The following ASIC2 variants were observed in gnomAD, a reference collection of about 807,000 sequenced individuals.
ASIC2 encodes acid sensing ion channel subunit 2, also known as acid-sensing ion channel 2.
ASIC2 carries 25 observed loss-of-function variants against 57.3 expected under a neutral mutation model. The ratio of observed to expected loss-of-function variants is 0.44; its 90% CI spans 0.32 to 0.61. The LOEUF is 0.61. Ranked by LOEUF, ASIC2 falls within the 20% of genes least tolerant of loss-of-function variation. The pLI is 0.06. For missense variants in ASIC2, 641 were observed against 738.1 expected, an observed-to-expected ratio of 0.87 and a Z score of 1.52; for synonymous variants, 319 against 307.5, an observed-to-expected ratio of 1.04 and a Z score of -0.39.
At position 33,292,002 on chromosome 17, in the gene ASIC2, G is replaced by T. The variant is rs1408549415; in HGVS notation, c.114C>A (p.Pro38=). Residue 38 remains proline, a synonymous_variant, in exon 1 of 10, where the codon CCC becomes CCA. Coordinates refer to ENST00000225823, the MANE Select transcript of ASIC2 (RefSeq NM_183377.2). The part of the protein sequence containing the change: ...APAALAAAGQ[P]GGGRGGERAL... The stretch of plus-strand genomic sequence containing the variant: ...CCCGCTCGCCGCCTCTGCCGCCCCC[G>T]GGCTGCCCGGCAGCCGCCAACGCCG... The T allele has an allele frequency of 4.2e-4, 525 of 1,240,366 alleles. No individual in the cohort carries two copies. Among genetic ancestry groups the T allele is most frequent in the Non-Finnish European group, 5.1e-4 (511 of 998,580 alleles). The allele number at this position is 1,240,366 out of a possible 1,614,324, so 76.8% of individuals were successfully genotyped here. A position where few individuals can be genotyped will look rare whatever the true frequency, so the allele number is the denominator to read the frequency against.
chr17:33,500,407 A>G (rs1011600079), intron 1 of ASIC2, among the ~76,000 whole-genome samples: 1 of 152,188 alleles, frequency 6.6e-6, no homozygotes, highest in African/African-American at 2.4e-5. Flanking sequence ...TGGCCCACTC[A>G]AGATCATCAC....
intron 1 of ASIC2, among the ~76,000 whole-genome samples, chr17:33,758,917 CAA>C (rs56232795): frequency 0.029 from 4,158 of 141,826 alleles, 157 homozygotes; most frequent in African/African-American, 0.095. Flanking sequence ...AAGCTAATAC[CAA>C]AAAAAAAAAA....
At chr17:33,880,727 A>G (rs1189649265) in intron 1 of ASIC2, among the ~76,000 whole-genome samples, 1 of 152,246 alleles carries the variant, frequency 6.6e-6, no homozygotes, top group Non-Finnish European at 1.5e-5. Flanking sequence ...TCTGATCAAT[A>G]GAAAAAGAGG....
intron 1 of ASIC2, among the ~76,000 whole-genome samples, chr17:33,501,851 G>C (rs1012422200): frequency 2.0e-5 from 3 of 152,234 alleles, no homozygotes; most frequent in African/African-American, 7.2e-5. Context: ...TGTCTGTATA[G>C]TTGTGGCATT....
intron 1 of ASIC2, among the ~76,000 whole-genome samples, chr17:33,700,631 G>T (rs1908667609): frequency 6.6e-6 from 1 of 152,208 alleles, no homozygotes; most frequent in Non-Finnish European, 1.5e-5. Context: ...AGCATTCACA[G>T]GGAAGCTGGC....
intron 1 of ASIC2, among the ~76,000 whole-genome samples, chr17:33,607,889 G>A (rs1394812707): frequency 1.3e-5 from 2 of 152,166 alleles, no homozygotes; most frequent in African/African-American, 4.8e-5. Flanking sequence ...AACTTCTGGA[G>A]GGACTGAGCT....
At chr17:33,602,769 C>T (rs1905141669) in intron 1 of ASIC2, among the ~76,000 whole-genome samples, 1 of 152,226 alleles carries the variant, frequency 6.6e-6, no homozygotes, top group African/African-American at 2.4e-5. Flanking sequence ...GTCCTTATAC[C>T]TGGGTGTGGG....
intron 1 of ASIC2, among the ~76,000 whole-genome samples, chr17:33,798,428 G>A (rs569628086): frequency 2.0e-4 from 31 of 152,290 alleles, no homozygotes; most frequent in East Asian, 7.8e-4. Context: ...GCATGAATTA[G>A]CAGAGATCAA....
At chr17:33,051,969 C>T (rs1021405247) in intron 3 of ASIC2, 7 of 152,054 alleles carry the variant, frequency 4.6e-5, no homozygotes, top group Non-Finnish European at 7.4e-5. Context: ...TGCCTGTTTA[C>T]GAATCATTAG....
intron 3 of ASIC2, among the ~76,000 whole-genome samples, chr17:33,046,841 A>G (rs909449433): frequency 6.6e-6 from 1 of 152,202 alleles, no homozygotes; most frequent in Non-Finnish European, 1.5e-5. Flanking sequence ...CCAACACTCC[A>G]CCAGGGAGGC....
chr17:34,050,851 G>A lies in ASIC2; in HGVS notation c.555+105127C>T, dbSNP rs1175139833. On this transcript the variant is annotated intron_variant, in intron 1 of 9. Coordinates refer to the ASIC2 transcript ENST00000359872. ...CACTTTGGAAGGATGAGGCCAAGAT[G>A]TGGATGGCCAGGGTTTCAGCTCTAG... Among the ~76,000 whole-genome samples the A allele has an allele frequency of 2.0e-5, 3 of 152,224 alleles. 1 individual carries two copies. Among genetic ancestry groups the A allele is most frequent in the South Asian group, 2.1e-4 (1 of 4,838 alleles).
At chr17:33,979,022 C>T (rs904751498) in intron 1 of ASIC2, among the ~76,000 whole-genome samples, 14 of 152,250 alleles carry the variant, frequency 9.2e-5, no homozygotes, top group African/African-American at 3.4e-4. Context: ...TTACAGACTA[C>T]ATGTAAGGTG....
intron 3 of ASIC2, among the ~76,000 whole-genome samples, chr17:33,075,148 G>A (rs1437250747): frequency 2.0e-5 from 3 of 152,062 alleles, no homozygotes; most frequent in Non-Finnish European, 2.9e-5. Flanking sequence ...TCATGGGAGC[G>A]GTTTCCTCCA....
At chr17:33,612,185 T>G (rs1054931271) in intron 1 of ASIC2, among the ~76,000 whole-genome samples, 2 of 152,244 alleles carry the variant, frequency 1.3e-5, no homozygotes, top group African/African-American at 4.8e-5. Context: ...CTCAGTCTAC[T>G]GGTTTAAATG....
At chr17:33,427,211 A>C (rs1911249203) in intron 1 of ASIC2, among the ~76,000 whole-genome samples, 1 of 152,206 alleles carries the variant, frequency 6.6e-6, no homozygotes, top group African/African-American at 2.4e-5. Flanking sequence ...TAATGATTGG[A>C]TTCACATGCT....
chr17:33,926,572 G>C (rs957395971), intron 1 of ASIC2, among the ~76,000 whole-genome samples: 2 of 152,208 alleles, frequency 1.3e-5, no homozygotes, highest in Non-Finnish European at 2.9e-5. Flanking sequence ...AGCCACCCAT[G>C]TGGACAACCT....
intron 1 of ASIC2, among the ~76,000 whole-genome samples, chr17:34,099,150 GAGAGAGAGAGAGAGAAAGAAAGAAAGAA>G (rs1567820868): frequency 1.3e-4 from 3 of 23,204 alleles, no homozygotes; most frequent in African/African-American, 3.7e-4. Flanking sequence ...GAGAGACAGA[GAGAGAGAGAGAGAGAAAGAAAGAAAGAA>G]AGAAAGAAAG....
Position 34,067,388 on chromosome 17 carries a change from A to G in ASIC2, c.555+88590T>C, listed in dbSNP as rs548719188. Among the ~76,000 whole-genome samples, 3 of 152,324 alleles carry G rather than the reference A, an allele frequency of 2.0e-5. No homozygotes were observed. In the South Asian group the frequency reaches 6.2e-4, roughly 32 times the overall value. On this transcript the variant is annotated intron_variant, in intron 1 of 9. Coordinates refer to the ASIC2 transcript ENST00000359872. ...TAAAGGAAAGCAAATTTTTTTAAAAATGGAATTTTTTTGACCTATCAAACT... is the reference window on the plus strand; with the variant it reads ...TAAAGGAAAGCAAATTTTTTTAAAAGTGGAATTTTTTTGACCTATCAAACT...
At chr17:34,095,140 T>C (rs1270203362) in intron 1 of ASIC2, among the ~76,000 whole-genome samples, 1 of 152,220 alleles carries the variant, frequency 6.6e-6, no homozygotes, top group Admixed American at 6.5e-5. Context: ...TATTGTTCTC[T>C]GGCTCCCATT....
Sources: gnomAD v4.1 joint callset for allele counts (sites outside exome capture counted in the v4.1 genomes callset) on GRCh38, gnomAD v4.1.1 for gene constraint, MANE v1.5 for transcripts, NCBI Gene and HGNC (gene_info 2026-07-23, HGNC 2026-07-21) for gene names.